ACBD6: variants seen among roughly 807,000 people sequenced by gnomAD.
The protein encoded by ACBD6 is acyl-CoA binding domain containing 6, also known as acyl-CoA-binding domain-containing protein 6.
Under a neutral mutation model 37.2 loss-of-function variants are expected in ACBD6, and 28 were observed. That is an observed-to-expected ratio of 0.75 (90% CI 0.56 to 1.03). ACBD6 has a LOEUF of 1.03. ACBD6 is among the 50% of genes least tolerant of loss of function. The probability of loss-of-function intolerance (pLI) is 0.00; values close to 1 mark genes in which losing one functional copy is unlikely to be tolerated. For synonymous variants in ACBD6, 113 were observed against 126.8 expected (o/e 0.89, Z 0.73); for missense variants, 340 against 337.4 (o/e 1.01, Z -0.06).
chr1:180,422,160 T>C (rs1648392834), intron 4 of ACBD6, among the ~76,000 whole-genome samples: 1 of 152,216 alleles, frequency 6.6e-6, no homozygotes, highest in South Asian at 2.1e-4. Context: ...AAGGTTCTTG[T>C]ACTTGCCAGT....
At chr1:180,469,550 C>T (rs1650477747) in intron 3 of ACBD6, among the ~76,000 whole-genome samples, 1 of 152,138 alleles carries the variant, frequency 6.6e-6, no homozygotes, top group Non-Finnish European at 1.5e-5. Flanking sequence ...CTAATTCATG[C>T]AACTGACAGA....
exon 10 of ACBD6, chr1:180,274,664 A>G (rs1648919438): frequency 1.4e-6 from 2 of 1,410,102 alleles, no homozygotes; most frequent in African/African-American, 2.9e-5. Context: ...TTAAGGATCG[A>G]AAGTACGCCA....
At chr1:180,288,004 T>A (rs1019384430), downstream of ACBD6, among the ~76,000 whole-genome samples, 1 of 152,230 alleles carries the variant, frequency 6.6e-6, no homozygotes, top group Non-Finnish European at 1.5e-5. Context: ...TGCATGAAAC[T>A]TTCCCTAATG....
At chr1:180,455,619 G>A (rs1405831794) in intron 3 of ACBD6, among the ~76,000 whole-genome samples, 1 of 152,048 alleles carries the variant, frequency 6.6e-6, no homozygotes, top group Admixed American at 6.5e-5. Flanking sequence ...TTGATTTGCT[G>A]AAAAATTCAC....
intron 6 of ACBD6, among the ~76,000 whole-genome samples, chr1:180,381,819 C>G (rs1653663056): frequency 6.6e-6 from 1 of 151,998 alleles, no homozygotes; most frequent in South Asian, 2.1e-4. Context: ...ACTAGAAAAA[C>G]AAGAACACCC....
At chr1:180,454,513 A>G (rs1040045489) in intron 3 of ACBD6, among the ~76,000 whole-genome samples, 2 of 152,254 alleles carry the variant, frequency 1.3e-5, no homozygotes, top group Non-Finnish European at 1.5e-5. Context: ...ACAAAAGCCA[A>G]AATTGACAAG....
intron 5 of ACBD6, among the ~76,000 whole-genome samples, chr1:180,398,543 CA>C (rs1654349544): frequency 6.6e-6 from 1 of 152,088 alleles, no homozygotes. Context: ...CTGTGAAAGC[CA>C]CTTGTAAAAG....
intron 7 of ACBD6, among the ~76,000 whole-genome samples, chr1:180,296,390 A>T (rs1158727243): frequency 1.8e-4 from 27 of 151,244 alleles, no homozygotes; most frequent in African/African-American, 6.6e-4. Context: ...AACTAAGATA[A>T]AGATAACTGA....
intron 4 of ACBD6, among the ~76,000 whole-genome samples, chr1:180,417,916 T>G (rs929610041): frequency 6.6e-6 from 1 of 152,162 alleles, no homozygotes; most frequent in Non-Finnish European, 1.5e-5. Flanking sequence ...TGGCCAGAAG[T>G]TGTTGATCTG....
chr1:180,394,370 A>G (rs1654183104), intron 6 of ACBD6, among the ~76,000 whole-genome samples: 1 of 151,284 alleles, frequency 6.6e-6, no homozygotes, highest in African/African-American at 2.4e-5. Context: ...AATTACAGGC[A>G]TGAGCCATCA....
intron 5 of ACBD6, among the ~76,000 whole-genome samples, chr1:180,402,731 T>C (rs1571461620): frequency 6.6e-6 from 1 of 151,200 alleles, no homozygotes; most frequent in Non-Finnish European, 1.5e-5. Flanking sequence ...CATGAAGTCA[T>C]GGCTGCAGTG....
chr1:180,333,873 G>T (rs563073397), intron 6 of ACBD6, among the ~76,000 whole-genome samples: 1 of 152,332 alleles, frequency 6.6e-6, no homozygotes, highest in East Asian at 1.9e-4. Context: ...ATTATATCCC[G>T]TGCCTGGCTC....
intron 6 of ACBD6, among the ~76,000 whole-genome samples, chr1:180,360,719 AAATAAT>A (rs1195007257): frequency 6.6e-6 from 1 of 152,154 alleles, no homozygotes; most frequent in Non-Finnish European, 1.5e-5. Context: ...ATATTATTTT[AAATAAT>A]ATTATCTTAT....
chr1:180,465,946 G>C (rs866358054), intron 3 of ACBD6, among the ~76,000 whole-genome samples: 1 of 152,000 alleles, frequency 6.6e-6, no homozygotes, highest in Non-Finnish European at 1.5e-5. Context: ...TTATAAGTGG[G>C]AGCTACATAA....
chr1:180,369,769 T>C (rs1653185306), intron 6 of ACBD6, among the ~76,000 whole-genome samples: 1 of 152,074 alleles, frequency 6.6e-6, no homozygotes, highest in Non-Finnish European at 1.5e-5. Context: ...CATCTAAGAG[T>C]ACATCAAATT....
chr1:180,423,289 AATT>A (rs1655495470), intron 4 of ACBD6, among the ~76,000 whole-genome samples: 1 of 152,184 alleles, frequency 6.6e-6, no homozygotes, highest in East Asian at 1.9e-4. Context: ...TTTGAGCAGA[AATT>A]ATATTTTGAA....
At chr1:180,328,678 C>A in intron 6 of ACBD6, among the ~76,000 whole-genome samples, 1 of 151,890 alleles carries the variant, frequency 6.6e-6, no homozygotes, top group East Asian at 1.9e-4. Flanking sequence ...GTGAGAAATT[C>A]GAAGTAGTAA....
chr1:180,384,670 A>G (rs1653784317), intron 6 of ACBD6, among the ~76,000 whole-genome samples: 1 of 152,248 alleles, frequency 6.6e-6, no homozygotes, highest in South Asian at 2.1e-4. Context: ...AAGGAAAAGA[A>G]ATAAGTGTAT....
intron 7 of ACBD6, among the ~76,000 whole-genome samples, chr1:180,303,957 C>G (rs1022523737): frequency 6.6e-6 from 1 of 150,822 alleles, no homozygotes; most frequent in Non-Finnish European, 1.5e-5. Context: ...TCAACATACG[C>G]AAATCAATAA....
Sources: gnomAD v4.1 joint callset for allele counts (sites outside exome capture counted in the v4.1 genomes callset) on GRCh38, gnomAD v4.1.1 for gene constraint, MANE v1.5 for transcripts, NCBI Gene and HGNC (gene_info 2026-07-23, HGNC 2026-07-21) for gene names.